The following ANK2 variants were observed in gnomAD, a reference collection of about 807,000 sequenced individuals.
ANK2 encodes ankyrin 2, also known as ankyrin-2.
ANK2 carries 83 observed loss-of-function variants against 360.5 expected under a neutral mutation model. The observed-to-expected ratio is 0.23, with a 90% confidence interval of 0.19 to 0.28. The LOEUF (loss-of-function observed/expected upper bound fraction) is 0.28, where lower values mean the gene tolerates loss of function less well. ANK2 is among the 10% of genes least tolerant of loss of function. ANK2 has a pLI of 1.00. For synonymous variants in ANK2, 1,740 were observed against 1,759.5 expected (o/e 0.99, Z 0.28); for missense variants, 4,201 against 4,795.7 (o/e 0.88, Z 3.66).
intron 1 of ANK2, among the ~76,000 whole-genome samples, chr4:113,148,151 G>A (rs2096904667): frequency 6.6e-6 from 1 of 152,148 alleles, no homozygotes; most frequent in Admixed American, 6.6e-5. Flanking sequence ...TTTTGATAAA[G>A]TGCTATTTAG....
the ANK2 span, among the ~76,000 whole-genome samples, chr4:112,761,407 T>G: frequency 5.3e-5 from 8 of 151,960 alleles, no homozygotes; most frequent in East Asian, 1.2e-3. Flanking sequence ...GATCACGAGG[T>G]TAGGAGATCG....
chr4:113,128,197 A>G (rs2095789553), intron 1 of ANK2, among the ~76,000 whole-genome samples: 1 of 152,194 alleles, frequency 6.6e-6, no homozygotes, highest in Non-Finnish European at 1.5e-5. Context: ...TAGAGTTTGG[A>G]GTCCTTAATT....
intron 2 of ANK2, among the ~76,000 whole-genome samples, chr4:113,002,164 T>A (rs2050964985): frequency 6.6e-6 from 1 of 152,158 alleles, no homozygotes; most frequent in East Asian, 1.9e-4. Flanking sequence ...CCCAATGCTA[T>A]CCCTCTAGAA....
In ANK2 at chr4:113,354,236, G is replaced by A. The variant is rs1227210695; in HGVS notation, c.5618G>A (p.Ser1873Asn). 3 of 1,613,834 alleles carry A rather than the reference G, an allele frequency of 1.9e-6. No individual in the cohort carries two copies. The highest frequency in any genetic ancestry group is 2.5e-6 in the Non-Finnish European group (3 of 1,179,968). The change falls in exon 38 of 46, where the codon AGT (serine) becomes AAT (asparagine). Residue 1873 changes from serine (S) to asparagine (N), a missense_variant. Transcript: ENST00000357077. ...AGACATTCACCTGCGTCATCATCGA[G>A]TAAAACTGAGAAACACTCACCTGTA... is the stretch of plus-strand genomic sequence containing the variant. ...TERHSPASSS[S>N]KTEKHSPVSP... is the part of the protein sequence containing the mutation.
chr4:112,867,303 C>G (rs776127437), intron 1 of ANK2, among the ~76,000 whole-genome samples: 3 of 151,928 alleles, frequency 2.0e-5, no homozygotes, highest in Non-Finnish European at 4.4e-5. Context: ...TCTCTGGTAG[C>G]ATTTTTCTGG....
intron 10 of ANK2, among the ~76,000 whole-genome samples, chr4:113,253,054 A>C (rs1157409339): frequency 2.0e-5 from 3 of 152,154 alleles, no homozygotes; most frequent in African/African-American, 7.2e-5. Context: ...TTGGAAGATA[A>C]TTTCCAGAGA....
rs368564726 is a variant in ANK2, at chr4:113,293,624, A to G, written c.2475+86A>G. The G allele has an allele frequency of 2.3e-6, 3 of 1,291,340 alleles. No homozygotes were observed. The African/African-American group carries it at 4.4e-5, about 19-fold the overall frequency. 80.0% of individuals were successfully genotyped at this position (1,291,340 alleles called of 1,614,324 possible). On this transcript the variant is annotated intron_variant, in intron 22 of 45. Transcript: ENST00000357077. ...TGTACAGTACTTTTTCACTCACAAG[A>G]TGTTTGGAGCTTTTAGTTTTGAACT...
At chr4:113,342,872 TA>T (rs2094450019) in intron 33 of ANK2, 144 bp from the exon 34 acceptor site, 1 of 996,940 alleles carries the variant, frequency 1.0e-6, no homozygotes, top group Non-Finnish European at 1.5e-6. Flanking sequence ...GTGTCACAGA[TA>T]GACAGAATGT....
intron 1 of ANK2, among the ~76,000 whole-genome samples, chr4:113,134,449 A>G (rs1379062679): frequency 6.6e-6 from 1 of 151,944 alleles, no homozygotes; most frequent in East Asian, 1.9e-4. Context: ...CTGCTGAACA[A>G]TGAGGCCAAG....
intron 2 of ANK2, among the ~76,000 whole-genome samples, chr4:113,014,539 C>T (rs2055877752): frequency 6.6e-6 from 1 of 152,178 alleles, no homozygotes; most frequent in Non-Finnish European, 1.5e-5. Context: ...GCTCTTAAAA[C>T]AACTGTGCTT....
chr4:113,363,969 T>C (rs2096388731), intron 40 of ANK2, among the ~76,000 whole-genome samples: 1 of 152,188 alleles, frequency 6.6e-6, no homozygotes, highest in Non-Finnish European at 1.5e-5. Flanking sequence ...TGTTGTCAAA[T>C]GAAAATGTAT....
chr4:113,281,883 G>A (rs1196723295), intron 17 of ANK2, among the ~76,000 whole-genome samples: 1 of 152,060 alleles, frequency 6.6e-6, no homozygotes, highest in Non-Finnish European at 1.5e-5. Flanking sequence ...ATAAAGAAGG[G>A]GAGATCTAGG....
rs755111920 is a variant in ANK2, at chr4:113,355,158, C to T, written c.6540C>T (p.Leu2180=). The stretch of plus-strand genomic sequence containing the variant: ...GTCCTTTCAACACAACATTTCCACT[C>T]GACTACATGAAAGATGAGTTCCTTC... The part of the protein sequence containing the change: ...LTSPFNTTFP[L]DYMKDEFLPA... The change falls in exon 38 of 46, where the codon CTC becomes CTT. Residue 2180 remains leucine, a synonymous_variant. Transcript: ENST00000357077. 2.5e-6 allele frequency: 4 copies of T among 1,614,002 alleles called. No homozygotes were observed. Among genetic ancestry groups the T allele is most frequent in the African/African-American group, 2.7e-5 (2 of 74,928 alleles).
At chr4:112,890,132 C>T (rs2079526751) in intron 1 of ANK2, among the ~76,000 whole-genome samples, 1 of 152,204 alleles carries the variant, frequency 6.6e-6, no homozygotes, top group Non-Finnish European at 1.5e-5. Context: ...CCCCTCCATT[C>T]TCTTTCACCT....
chr4:112,981,007 C>T (rs1377820596), intron 2 of ANK2, among the ~76,000 whole-genome samples: 1 of 152,186 alleles, frequency 6.6e-6, no homozygotes, highest in Non-Finnish European at 1.5e-5. Flanking sequence ...GAGTTATAAA[C>T]GAAGATCTGC....
At chr4:113,003,694 A>G (rs931024252) in intron 2 of ANK2, among the ~76,000 whole-genome samples, 2 of 152,316 alleles carry the variant, frequency 1.3e-5, no homozygotes, top group Non-Finnish European at 2.9e-5. Flanking sequence ...GTTACACCAC[A>G]GTAAATGATA....
the ANK2 span, among the ~76,000 whole-genome samples, chr4:112,778,186 T>C: frequency 2.7e-3 from 404 of 151,822 alleles, no homozygotes; most frequent in Non-Finnish European, 4.6e-3. Flanking sequence ...ACCAGGCTGG[T>C]CTTGAACTCC....
chr4:113,290,897 C>T (rs29349), intron 20 of ANK2, among the ~76,000 whole-genome samples: 5,116 of 152,198 alleles, frequency 0.034, 98 homozygotes, highest in Non-Finnish European at 0.038. Flanking sequence ...CAAATGTTTA[C>T]GTAAACACTT....
At chr4:113,043,570 T>C (rs574829522) in intron 2 of ANK2, among the ~76,000 whole-genome samples, 1 of 152,290 alleles carries the variant, frequency 6.6e-6, no homozygotes, top group East Asian at 1.9e-4. Flanking sequence ...CTGTGCCTGG[T>C]TGACCAGTGG....
Sources: allele counts gnomAD v4.1 joint callset (sites outside exome capture counted in the v4.1 genomes callset), GRCh38; gene constraint gnomAD v4.1.1; transcripts MANE v1.5; gene names NCBI Gene and HGNC (gene_info 2026-07-23, HGNC 2026-07-21).